TTC6: variants seen among roughly 807,000 people sequenced by gnomAD.
TTC6 encodes tetratricopeptide repeat domain 6.
Under a neutral mutation model 210.4 loss-of-function variants are expected in TTC6, and 172 were observed. That is an observed-to-expected ratio of 0.82 (90% confidence interval 0.72 to 0.93). TTC6 has a LOEUF of 0.93. Among genes scored for constraint, TTC6 ranks in the 40% least tolerant of loss-of-function variants. The pLI is 0.00. For missense variants in TTC6, 2,414 were observed against 2,318.1 expected (o/e 1.04, Z -0.85); for synonymous variants, 804 against 819.6 (o/e 0.98, Z 0.32).
intron 13 of TTC6, 146 bp from the exon 16 acceptor site, chr14:37,752,953 G>A (rs1341365329): frequency 2.0e-6 from 1 of 499,288 alleles, no homozygotes; most frequent in Non-Finnish European, 3.2e-6. Flanking sequence ...ATATTCTTTA[G>A]CTACAACTCT....
At chr14:37,841,733 A>C in intron 30 of TTC6, 63 bp downstream of exon 32, 1 of 1,276,522 alleles carries the variant, frequency 7.8e-7, no homozygotes, top group Non-Finnish European at 1.1e-6. Context: ...TTTAGGCTAC[A>C]AAAGAAGAAA....
chr14:37,787,267 A>G (rs1375648832), intron 14 of TTC6, among the ~76,000 whole-genome samples: 2 of 152,228 alleles, frequency 1.3e-5, no homozygotes, highest in African/African-American at 2.4e-5. Context: ...TAAGCATATA[A>G]TTATGTATAC....
chr14:37,737,803 A>ATTTT, intron 9 of TTC6, 69 bp downstream of exon 11: 1 of 604,434 alleles, frequency 1.7e-6, no homozygotes, highest in Non-Finnish European at 2.6e-6. Context: ...TAATCACCTT[A>ATTTT]TTTTTTTTTA....
chr14:37,716,298 A>T (rs191159412), intron 6 of TTC6, among the ~76,000 whole-genome samples: 255 of 152,216 alleles, frequency 1.7e-3, no homozygotes, highest in African/African-American at 5.8e-3. Flanking sequence ...AACAAAAGAA[A>T]CCAGACAGAG....
intron 1 of TTC6, among the ~76,000 whole-genome samples, chr14:37,638,462 C>T (rs1002649454): frequency 3.9e-5 from 6 of 152,074 alleles, no homozygotes; most frequent in Non-Finnish European, 7.4e-5. Flanking sequence ...ACCATGTTGG[C>T]TAGGCTGGTC....
intron 2 of TTC6, among the ~76,000 whole-genome samples, chr14:37,609,671 C>T (rs2095631048): frequency 6.6e-6 from 1 of 152,048 alleles, no homozygotes; most frequent in South Asian, 2.1e-4. Context: ...TGTTTCCTGA[C>T]TATATGATAG....
chr14:37,725,312 G>A (rs3985270), intron 7 of TTC6, among the ~76,000 whole-genome samples: 5,573 of 32,046 alleles, frequency 0.17, 348 homozygotes, highest in Non-Finnish European at 0.21. Context: ...GTGTGTGTGT[G>A]TATATATATA....
chr14:37,838,806 C>A (rs1390787952), intron 29 of TTC6, among the ~76,000 whole-genome samples: 1 of 152,068 alleles, frequency 6.6e-6, no homozygotes, highest in Non-Finnish European at 1.5e-5. Context: ...ACATATCCCT[C>A]CCCCACCCAC....
intron 14 of TTC6, among the ~76,000 whole-genome samples, chr14:37,760,375 T>C (rs2095980457): frequency 6.6e-6 from 1 of 152,150 alleles, no homozygotes; most frequent in African/African-American, 2.4e-5. Context: ...TCAGGAACCT[T>C]TGTCCCAGAG....
intron 14 of TTC6, among the ~76,000 whole-genome samples, chr14:37,765,822 C>T (rs2095997529): frequency 3.9e-5 from 6 of 151,942 alleles, no homozygotes; most frequent in Admixed American, 2.6e-4. Flanking sequence ...GTATAGAATT[C>T]TTGCTTGATT....
intron 1 of TTC6, among the ~76,000 whole-genome samples, chr14:37,638,406 C>T (rs571120141): frequency 1.3e-5 from 2 of 152,178 alleles, no homozygotes; most frequent in South Asian, 2.1e-4. Flanking sequence ...AGGGACCCAC[C>T]ACCATGCCCG....
chr14:37,762,882 C>CTTTT (rs369694046), intron 14 of TTC6, among the ~76,000 whole-genome samples: 17 of 129,554 alleles, frequency 1.3e-4, no homozygotes, highest in East Asian at 2.2e-4. Context: ...CTTTTCTTTT[C>CTTTT]TTTTTTTTTT....
At chr14:37,695,179 A>G (rs530070100) in intron 3 of TTC6, among the ~76,000 whole-genome samples, 18 of 152,242 alleles carry the variant, frequency 1.2e-4, no homozygotes, top group Middle Eastern at 3.4e-3. Flanking sequence ...TGTGGGATCT[A>G]AAAATCAAAA....
chr14:37,635,788 G>C (rs926023824), intron 1 of TTC6, among the ~76,000 whole-genome samples: 13 of 151,892 alleles, frequency 8.6e-5, no homozygotes, highest in Non-Finnish European at 1.8e-4. Flanking sequence ...AGACCAACCT[G>C]ATCAACATGG....
intron 26 of TTC6, among the ~76,000 whole-genome samples, chr14:37,822,082 GC>G (rs1317461251): frequency 5.3e-5 from 8 of 151,968 alleles, no homozygotes; most frequent in Non-Finnish European, 1.2e-4. Context: ...CCCGGCCAGA[GC>G]TAGTCTTTAA....
exon 11 of TTC6, chr14:37,749,047 A>G (rs1167910660): frequency 6.5e-7 from 1 of 1,535,768 alleles, no homozygotes; most frequent in South Asian, 1.2e-5. Flanking sequence ...TAAATTTTGA[A>G]AAATTCGTCC....
In TTC6 at chr14:37,826,285, G is replaced by C. The variant is rs568304596; in HGVS notation, c.5065G>C (p.Val1689Leu). ...CTACCTAGCCTATGAAGGAAGAGCT[G>C]TGGTCTGTCTTCAGATGGGTAATAA... The change falls in exon 28 of 31, where the codon GTG (valine) becomes CTG (leucine). Residue 1689 changes from valine to leucine, a missense_variant. Coordinates refer to ENST00000553443, the Ensembl canonical transcript of TTC6. The C allele has an allele frequency of 1.2e-5, 20 of 1,612,648 alleles. No homozygotes were observed. The East Asian group carries it at 2.0e-4, about 16-fold the overall frequency.
chr14:37,836,223 T>A (rs924875435), intron 29 of TTC6, among the ~76,000 whole-genome samples: 3 of 152,168 alleles, frequency 2.0e-5, no homozygotes, highest in African/African-American at 7.2e-5. Flanking sequence ...CTTACATCCT[T>A]AAGCTAATGT....
chr14:37,774,434 T>C (rs1360794074), intron 14 of TTC6, among the ~76,000 whole-genome samples: 1 of 152,164 alleles, frequency 6.6e-6, no homozygotes, highest in Non-Finnish European at 1.5e-5. Context: ...AGCATGTTCT[T>C]TCAATTTCAA....
Sources: gnomAD v4.1 joint callset for allele counts (sites outside exome capture counted in the v4.1 genomes callset) on GRCh38, gnomAD v4.1.1 for gene constraint, MANE v1.5 for transcripts, NCBI Gene and HGNC (gene_info 2026-07-23, HGNC 2026-07-21) for gene names.